FRYL: variants seen among roughly 807,000 people sequenced by gnomAD.
FRYL encodes the protein protein furry homolog-like.
FRYL carries 150 observed loss-of-function variants against 351.2 expected under a neutral mutation model. The observed-to-expected ratio is 0.43, with a 90% CI of 0.37 to 0.49. The LOEUF (loss-of-function observed/expected upper bound fraction) is 0.49. FRYL is among the 20% of genes least tolerant of loss of function. The pLI is 0.00. For synonymous variants in FRYL, 1,153 were observed against 1,257.1 expected (o/e 0.92, Z 1.75); for missense variants, 3,036 against 3,619.3 (o/e 0.84, Z 4.13).
intron 3 of FRYL, among the ~76,000 whole-genome samples, chr4:48,663,487 C>A (rs1761171007): frequency 6.6e-6 from 1 of 151,708 alleles, no homozygotes; most frequent in African/African-American, 2.4e-5. Flanking sequence ...AACAGCAAGA[C>A]AGATTTAAAC....
intron 2 of FRYL, among the ~76,000 whole-genome samples, chr4:48,687,286 A>G (rs1765229199): frequency 6.6e-6 from 1 of 152,108 alleles, no homozygotes; most frequent in African/African-American, 2.4e-5. Flanking sequence ...TTTCTTATTT[A>G]AAACAAAAAA....
intron 18 of FRYL, among the ~76,000 whole-genome samples, chr4:48,588,590 G>A (rs1390203040): frequency 1.3e-5 from 2 of 152,112 alleles, no homozygotes; most frequent in South Asian, 2.1e-4. Context: ...GAACTCATGC[G>A]TGCTTGCTTT....
intron 3 of FRYL, among the ~76,000 whole-genome samples, chr4:48,639,486 T>A (rs575832919): frequency 8.7e-5 from 13 of 149,014 alleles, no homozygotes; most frequent in African/African-American, 2.9e-4. Context: ...ATCCACATGT[T>A]AAAAAAAAAA....
At chr4:48,676,683 G>A (rs567040722) in intron 3 of FRYL, among the ~76,000 whole-genome samples, 2 of 152,236 alleles carry the variant, frequency 1.3e-5, no homozygotes, top group South Asian at 2.1e-4. Context: ...GAGCCACTGC[G>A]CCTGGCCAAG....
intron 26 of FRYL, chr4:48,571,615 T>C: frequency 1.0e-6 from 1 of 982,062 alleles, no homozygotes. Flanking sequence ...GAAATTTCAC[T>C]TTCTTGTCCA....
intron 1 of FRYL, among the ~76,000 whole-genome samples, chr4:48,779,707 G>A (rs992063170): frequency 3.0e-4 from 46 of 152,034 alleles, no homozygotes; most frequent in African/African-American, 1.1e-3. Flanking sequence ...CAGGACGCGC[G>A]AGAAGGCGGC....
rs1168612783 is a variant in FRYL, at chr4:48,606,481, A to G, written c.698T>C (p.Met233Thr). The change falls in exon 10 of 64, where the codon ATG (methionine) becomes ACG (threonine). Residue 233 changes from methionine to threonine, a missense_variant. Transcript: ENST00000358350. ...IMGMKFFRVK[M>T]YPVEDFEASF... Reference sequence around the variant, plus strand: ...TGCTTCAAAATCTTCTACAGGATACATTTTTACTCGAAAAAATTTCATTCC... The same window carrying G: ...TGCTTCAAAATCTTCTACAGGATACGTTTTTACTCGAAAAAATTTCATTCC... The G allele has an allele frequency of 6.2e-7, 1 of 1,612,432 alleles. No individual in the cohort carries two copies. Among genetic ancestry groups the G allele is most frequent in the African/African-American group, 1.3e-5 (1 of 74,846 alleles).
intron 3 of FRYL, among the ~76,000 whole-genome samples, chr4:48,683,330 G>A (rs956080468): frequency 3.3e-5 from 5 of 151,574 alleles, no homozygotes; most frequent in African/African-American, 1.2e-4. Context: ...ATGATGGGTT[G>A]ATGGGTGCAG....
intron 27 of FRYL, among the ~76,000 whole-genome samples, chr4:48,570,207 T>C (rs530686467): frequency 6.6e-6 from 1 of 152,194 alleles, no homozygotes; most frequent in Non-Finnish European, 1.5e-5. Context: ...AACACCATTA[T>C]CCTCCTAAGG....
chr4:48,654,060 C>T (rs1758280228), intron 3 of FRYL: 1 of 466,792 alleles, frequency 2.1e-6, no homozygotes, highest in Admixed American at 4.5e-5. Context: ...ACACCCTCAC[C>T]TTTCTTTATG....
At chr4:48,557,737 T>C in intron 33 of FRYL, 25 bp from the exon 34 acceptor site, 1 of 1,609,108 alleles carries the variant, frequency 6.2e-7, no homozygotes. Context: ...AAGTCAAAGA[T>C]AACTGATGTA....
At chr4:48,602,620 G>T (rs898527428) in intron 12 of FRYL, among the ~76,000 whole-genome samples, 1 of 152,028 alleles carries the variant, frequency 6.6e-6, no homozygotes, top group Non-Finnish European at 1.5e-5. Flanking sequence ...CACAATCCAT[G>T]TTTAGAATTA....
chr4:48,636,836 TCTA>T (rs778312902), intron 3 of FRYL: 4 of 152,118 alleles, frequency 2.6e-5, no homozygotes, highest in Admixed American at 1.3e-4. Flanking sequence ...AATGAACAGA[TCTA>T]CTGATTGAAA....
chr4:48,672,775 C>T (rs1762943359), intron 3 of FRYL, among the ~76,000 whole-genome samples: 1 of 152,186 alleles, frequency 6.6e-6, no homozygotes, highest in Non-Finnish European at 1.5e-5. Context: ...TCTCCCAGGA[C>T]CTTCTCTAAA....
chr4:48,547,864 G>T (rs1430196336), intron 40 of FRYL, 95 bp from the exon 41 acceptor site: 3 of 833,030 alleles, frequency 3.6e-6, no homozygotes, highest in Non-Finnish European at 5.2e-6. Context: ...GAAATTATAT[G>T]AAAGATTTCA....
intron 1 of FRYL, among the ~76,000 whole-genome samples, chr4:48,747,383 T>C (rs557217661): frequency 1.3e-5 from 2 of 152,338 alleles, no homozygotes; most frequent in South Asian, 2.1e-4. Flanking sequence ...CAAAAACTGG[T>C]ACTGGTGTAA....
At chr4:48,613,932 G>A (rs1012721744) in intron 7 of FRYL, among the ~76,000 whole-genome samples, 14 of 149,520 alleles carry the variant, frequency 9.4e-5, no homozygotes, top group Non-Finnish European at 2.1e-4. Context: ...CTCCTGCATG[G>A]GTGACAGAGA....
intron 4 of FRYL, among the ~76,000 whole-genome samples, chr4:48,632,114 A>G (rs1420199167): frequency 2.7e-3 from 101 of 38,052 alleles, no homozygotes; most frequent in East Asian, 5.0e-3. Context: ...ATATATATAT[A>G]TATATATATA....
In FRYL at chr4:48,579,109, G is replaced by A; in HGVS notation, c.2392C>T (p.Gln798Ter). 1 of 1,613,972 alleles carries A rather than the reference G, an allele frequency of 6.2e-7. No individual in the cohort carries two copies. Among genetic ancestry groups the A allele is most frequent in the East Asian group, 2.2e-5 (1 of 44,866 alleles). ...GAGAGACTTATAATCCATGGGTCTTGGCCTTGGGTCACATGTGCAAATATC... is the reference window on the plus strand; with the variant it reads ...GAGAGACTTATAATCCATGGGTCTTAGCCTTGGGTCACATGTGCAAATATC... ...IWIFAHVTQGQDPWIISLSSF... is the reference protein window; with the variant it reads ...IWIFAHVTQG Residue 798 changes from glutamine (Q) to a stop codon, truncating the protein, a stop_gained, in exon 23 of 64, where the codon CAA becomes TAA. Transcript: ENST00000358350. LOFTEE classifies it high-confidence loss of function.
Sources: gnomAD v4.1 joint callset for allele counts (sites outside exome capture counted in the v4.1 genomes callset) on GRCh38, gnomAD v4.1.1 for gene constraint, MANE v1.5 for transcripts, NCBI Gene and HGNC (gene_info 2026-07-23, HGNC 2026-07-21) for gene names.